TLE4: variants seen among roughly 807,000 people sequenced by gnomAD.
TLE4 encodes the protein transducin-like enhancer protein 4.
TLE4 carries 8 observed loss-of-function variants against 92.8 expected under a neutral mutation model. The ratio of observed to expected loss-of-function variants is 0.09; its 90% CI spans 0.05 to 0.16. The LOEUF (loss-of-function observed/expected upper bound fraction) is 0.16, where lower values mean the gene tolerates loss of function less well. Among genes scored for constraint, TLE4 ranks in the 10% least tolerant of loss-of-function variants. The pLI is 1.00. For synonymous variants in TLE4, 371 were observed against 374.1 expected (o/e 0.99, Z 0.10); for missense variants, 675 against 997.6 (o/e 0.68, Z 4.36).
In TLE4 at chr9:79,701,843, A is replaced by G. The variant is rs531146722; in HGVS notation, c.610-2940A>G. ...TCTGGGCAGTTCCCTTCTGCTCATG[A>G]TGCTAGGTGCCCCACCCTCAGGGAA... On this transcript the variant is annotated intron_variant, in intron 8 of 19. Coordinates refer to ENST00000376552, the MANE Select transcript of TLE4 (RefSeq NM_007005.6). Among the ~76,000 whole-genome samples, 9 of 152,274 alleles carry G rather than the reference A, an allele frequency of 5.9e-5. No homozygotes were observed. In the East Asian group the frequency reaches 1.4e-3, roughly 23 times the overall value.
chr9:79,645,857 A>G (rs573407569), intron 6 of TLE4, among the ~76,000 whole-genome samples: 1 of 152,246 alleles, frequency 6.6e-6, no homozygotes, highest in African/African-American at 2.4e-5. Flanking sequence ...GTGGTTTGAG[A>G]TAAGAGAGGT....
chr9:79,683,481 C>T (rs1351377167), intron 8 of TLE4, among the ~76,000 whole-genome samples: 2 of 152,130 alleles, frequency 1.3e-5, no homozygotes, highest in Non-Finnish European at 2.9e-5. Flanking sequence ...TACAAAGGCA[C>T]CATTACTCTG....
At chr9:79,686,499 G>A (rs978564154) in intron 8 of TLE4, among the ~76,000 whole-genome samples, 8 of 152,118 alleles carry the variant, frequency 5.3e-5, no homozygotes, top group Non-Finnish European at 8.8e-5. Context: ...GAGGTCATCC[G>A]GGAATCAAGT....
chr9:79,623,686 C>T (rs1160816272), intron 5 of TLE4, among the ~76,000 whole-genome samples: 1 of 148,812 alleles, frequency 6.7e-6, no homozygotes, highest in Non-Finnish European at 1.5e-5. Flanking sequence ...ATAACCATCA[C>T]CACAATCTAA....
chr9:79,627,266 C>T (rs1033588648), intron 5 of TLE4, 108 bp from the exon 6 acceptor site: 44 of 1,108,870 alleles, frequency 4.0e-5, no homozygotes, highest in Non-Finnish European at 3.7e-5. Flanking sequence ...GGAGATCCCC[C>T]AAATGCTGTT....
chr9:79,572,445 C>A lies in TLE4; in HGVS notation c.-346C>A. On this transcript the variant is annotated 5_prime_UTR_variant, in exon 1 of 20. Coordinates refer to ENST00000376552, the MANE Select transcript of TLE4 (RefSeq NM_007005.6). ...CCGGCGGGCGGTGGGGCGCGGAGCC[C>A]GCACTTTCCCGGCCGGGTGAGCGGC... 6.6e-6 allele frequency: 1 copy of A among 152,170 alleles called. No individual in the cohort carries two copies. The highest frequency in any genetic ancestry group is 2.0e-4 in the South Asian group (1 of 4,888). 9.4% of individuals were successfully genotyped at this position (152,170 alleles called of 1,614,324 possible).
chr9:79,691,822 A>G (rs1311357236), intron 8 of TLE4, among the ~76,000 whole-genome samples: 3 of 152,200 alleles, frequency 2.0e-5, no homozygotes, highest in Non-Finnish European at 4.4e-5. Flanking sequence ...CAGTCTCAGC[A>G]TCTTATGTTC....
At chr9:79,718,617 C>G in intron 14 of TLE4, 105 bp from the exon 15 acceptor site, 2 of 1,422,676 alleles carry the variant, frequency 1.4e-6, no homozygotes, top group Non-Finnish European at 1.9e-6. Context: ...GTTCGTAAAT[C>G]ACAAGTGGCA....
At chr9:79,683,155 C>T (rs1357974548) in intron 8 of TLE4, among the ~76,000 whole-genome samples, 2 of 152,128 alleles carry the variant, frequency 1.3e-5, no homozygotes, top group South Asian at 2.1e-4. Flanking sequence ...AAAGATTTGC[C>T]GACCTTTGAT....
intron 4 of TLE4, among the ~76,000 whole-genome samples, chr9:79,581,338 G>A (rs1203325164): frequency 6.6e-6 from 1 of 152,214 alleles, no homozygotes; most frequent in Admixed American, 6.5e-5. Context: ...AGCAGATCTG[G>A]AGGATGAAAT....
chr9:79,658,719 G>A (rs922310643), intron 8 of TLE4, among the ~76,000 whole-genome samples: 1 of 152,140 alleles, frequency 6.6e-6, no homozygotes, highest in Non-Finnish European at 1.5e-5. Flanking sequence ...GAGTTTTACC[G>A]TTTGGGAGAT....
chr9:79,716,541 G>C (rs1174955581), intron 14 of TLE4, among the ~76,000 whole-genome samples: 1 of 152,176 alleles, frequency 6.6e-6, no homozygotes, highest in East Asian at 1.9e-4. Context: ...TTGTTCACCT[G>C]ATTCCCCAGC....
chr9:79,694,428 G>C (rs1025223843), intron 8 of TLE4, among the ~76,000 whole-genome samples: 1 of 152,132 alleles, frequency 6.6e-6, no homozygotes, highest in Non-Finnish European at 1.5e-5. Flanking sequence ...GAATCAACCT[G>C]TTCTTCCAGT....
intron 8 of TLE4, among the ~76,000 whole-genome samples, chr9:79,654,860 T>C (rs2059546064): frequency 6.6e-6 from 1 of 152,134 alleles, no homozygotes. Flanking sequence ...TACACCATTG[T>C]AGGCCGGGCT....
intron 4 of TLE4, among the ~76,000 whole-genome samples, chr9:79,586,068 CT>C: frequency 7.1e-6 from 1 of 141,542 alleles, no homozygotes; most frequent in Non-Finnish European, 1.6e-5. Context: ...TGTACTTTTC[CT>C]TTGGCATATA....
chr9:79,587,751 C>T (rs1417513512), intron 4 of TLE4, among the ~76,000 whole-genome samples: 1 of 152,112 alleles, frequency 6.6e-6, no homozygotes, highest in East Asian at 1.9e-4. Flanking sequence ...CCTGGTCCTT[C>T]TATAGGCTAA....
chr9:79,660,878 C>T (rs1030275639), intron 8 of TLE4, among the ~76,000 whole-genome samples: 2 of 152,162 alleles, frequency 1.3e-5, no homozygotes, highest in Admixed American at 1.3e-4. Flanking sequence ...CACCCTCCTC[C>T]GCCGATCGCT....
intron 5 of TLE4, among the ~76,000 whole-genome samples, chr9:79,619,785 G>T (rs757629158): frequency 1.7e-4 from 26 of 152,202 alleles, no homozygotes; most frequent in Non-Finnish European, 3.5e-4. Context: ...ATGGATTGGG[G>T]CTTCTGGGGA....
intron 4 of TLE4, among the ~76,000 whole-genome samples, chr9:79,599,063 T>C (rs1378422902): frequency 1.3e-5 from 2 of 152,222 alleles, no homozygotes; most frequent in African/African-American, 4.8e-5. Context: ...AAATCTCTTC[T>C]TTCCGTCCAC....
Sources: gnomAD v4.1 joint callset for allele counts (sites outside exome capture counted in the v4.1 genomes callset) on GRCh38, gnomAD v4.1.1 for gene constraint, MANE v1.5 for transcripts, NCBI Gene and HGNC (gene_info 2026-07-23, HGNC 2026-07-21) for gene names.